Variants in LRP1B observed in about 807,000 individuals in gnomAD.
LRP1B encodes the protein LDL receptor related protein 1B.
A neutral mutation model predicts 556.6 loss-of-function variants in LRP1B; 217 were observed. That is an observed-to-expected ratio of 0.39 (90% CI 0.35 to 0.44). The LOEUF (loss-of-function observed/expected upper bound fraction) is 0.44, where lower values mean the gene tolerates loss of function less well. Ranked by LOEUF, LRP1B falls within the 20% of genes least tolerant of loss-of-function variation. The pLI is 1.00. For missense variants in LRP1B, 5,053 were observed against 5,620.8 expected (o/e 0.90, Z 3.23); for synonymous variants, 2,047 against 1,865.8 (o/e 1.10, Z -2.50).
intron 3 of LRP1B, among the ~76,000 whole-genome samples, chr2:141,295,169 A>G (rs1331117166): frequency 6.6e-6 from 1 of 152,092 alleles, no homozygotes; most frequent in Non-Finnish European, 1.5e-5. Flanking sequence ...AATGTTATTT[A>G]TATATTTCAA....
Position 140,875,827 on chromosome 2 carries a change from G to C in LRP1B, c.4170-7564C>G, listed in dbSNP as rs973129266. On this transcript the variant is annotated intron_variant, in intron 25 of 90. Transcript: ENST00000389484. Reference sequence around the variant, plus strand: ...TATTGGTATGTGTTCAAAAATTATGGGAAACTCCTATAATTCTAATATGAC... The same window carrying C: ...TATTGGTATGTGTTCAAAAATTATGCGAAACTCCTATAATTCTAATATGAC... Among the ~76,000 whole-genome samples, 65 of 151,980 alleles carry C rather than the reference G, an allele frequency of 4.3e-4. 1 individual carries two copies. The highest frequency in any genetic ancestry group is 4.3e-3 in the Admixed American group (65 of 15,240).
intron 7 of LRP1B, among the ~76,000 whole-genome samples, chr2:141,076,965 G>C (rs1435463191): frequency 6.6e-6 from 1 of 152,162 alleles, no homozygotes; most frequent in African/African-American, 2.4e-5. Context: ...TAGTAGGCTA[G>C]GCTGGGTGTG....
intron 35 of LRP1B, among the ~76,000 whole-genome samples, chr2:140,746,694 ACATG>A (rs1248617145): frequency 6.6e-6 from 1 of 152,086 alleles, no homozygotes; most frequent in Admixed American, 6.6e-5. Flanking sequence ...ATTTCTCACC[ACATG>A]CATATGAGGG....
intron 2 of LRP1B, among the ~76,000 whole-genome samples, chr2:141,702,969 T>C (rs895401083): frequency 2.0e-5 from 3 of 151,890 alleles, no homozygotes; most frequent in African/African-American, 7.2e-5. Context: ...AAGAAAGTCA[T>C]GCCTCACCAA....
At chr2:141,420,750 C>T (rs1413085842) in intron 3 of LRP1B, among the ~76,000 whole-genome samples, 1 of 152,170 alleles carries the variant, frequency 6.6e-6, no homozygotes, top group Non-Finnish European at 1.5e-5. Context: ...TTTTGCCCAG[C>T]CATGTTGGCC....
At chr2:141,095,621 A>G (rs1700278518) in intron 7 of LRP1B, among the ~76,000 whole-genome samples, 1 of 151,846 alleles carries the variant, frequency 6.6e-6, no homozygotes, top group Admixed American at 6.6e-5. Context: ...CTTAACCTAA[A>G]GTACATAGAG....
chr2:141,610,850 C>G, intron 2 of LRP1B, among the ~76,000 whole-genome samples: 1 of 152,180 alleles, frequency 6.6e-6, no homozygotes, highest in East Asian at 1.9e-4. Context: ...CTATTTAATT[C>G]ACCCTCAGAC....
At chr2:140,702,332 G>T (rs1348170963) in intron 38 of LRP1B, 40 bp from the exon 39 acceptor site, 7 of 1,607,132 alleles carry the variant, frequency 4.4e-6, no homozygotes, top group Non-Finnish European at 6.0e-6. Flanking sequence ...GACTATATTT[G>T]ATTGTTTTAT....
chr2:140,410,333 A>T (rs554949334), intron 66 of LRP1B, among the ~76,000 whole-genome samples: 62 of 152,128 alleles, frequency 4.1e-4, no homozygotes, highest in African/African-American at 1.4e-3. Flanking sequence ...TTGGCTGCAT[A>T]GTCAACAAAG....
intron 35 of LRP1B, among the ~76,000 whole-genome samples, chr2:140,739,387 G>A (rs992431646): frequency 2.0e-5 from 3 of 151,406 alleles, no homozygotes; most frequent in Non-Finnish European, 2.9e-5. Context: ...TGACAGAATA[G>A]GTACAATAAA....
chr2:141,729,233 G>A (rs1047541981), intron 2 of LRP1B, among the ~76,000 whole-genome samples: 2 of 152,048 alleles, frequency 1.3e-5, no homozygotes, highest in Non-Finnish European at 2.9e-5. Context: ...TTTACCACAG[G>A]ACTTCCTTGG....
intron 77 of LRP1B, among the ~76,000 whole-genome samples, chr2:140,347,770 A>T (rs562887405): frequency 6.6e-6 from 1 of 152,082 alleles, no homozygotes; most frequent in African/African-American, 2.4e-5. Context: ...GTAGAAATCA[A>T]TGTGCCATAA....
At chr2:140,989,720 A>G (rs1334330043) in intron 16 of LRP1B, 63 bp from the exon 17 acceptor site, 1 of 1,551,520 alleles carries the variant, frequency 6.4e-7, no homozygotes, top group Non-Finnish European at 8.9e-7. Flanking sequence ...AATATTTTGA[A>G]TGATAGTTAC....
At chr2:141,542,845 C>T (rs1288711125) in intron 2 of LRP1B, among the ~76,000 whole-genome samples, 1 of 151,932 alleles carries the variant, frequency 6.6e-6, no homozygotes, top group Non-Finnish European at 1.5e-5. Context: ...TCTTTTAGTG[C>T]CTATTTGCAG....
At chr2:141,523,131 A>G (rs1275730134) in intron 2 of LRP1B, among the ~76,000 whole-genome samples, 1 of 151,740 alleles carries the variant, frequency 6.6e-6, no homozygotes, top group Non-Finnish European at 1.5e-5. Context: ...TTAAAACATC[A>G]TGATGTAAGT....
intron 41 of LRP1B, among the ~76,000 whole-genome samples, chr2:140,666,118 C>T (rs542357858): frequency 1.3e-3 from 197 of 152,018 alleles, no homozygotes; most frequent in Admixed American, 4.9e-3. Flanking sequence ...CTCAGCCTCC[C>T]GAGTAGTTGG....
chr2:142,127,152 A>AT (rs1707684986), intron 1 of LRP1B, among the ~76,000 whole-genome samples: 1 of 151,784 alleles, frequency 6.6e-6, no homozygotes, highest in Non-Finnish European at 1.5e-5. Flanking sequence ...TTAATATTTA[A>AT]TTTTTCTGCA....
At chr2:140,844,868 A>G (rs1208540650) in intron 29 of LRP1B, among the ~76,000 whole-genome samples, 1 of 152,184 alleles carries the variant, frequency 6.6e-6, no homozygotes, top group African/African-American at 2.4e-5. Flanking sequence ...GGAAAACAAA[A>G]TGGGATTATA....
chr2:140,269,459 C>T, intron 86 of LRP1B: 1 of 447,842 alleles, frequency 2.2e-6, no homozygotes, highest in Non-Finnish European at 4.6e-6. Context: ...TCATTTCATA[C>T]AGAGATAGTA....
Sources: allele counts gnomAD v4.1 joint callset (sites outside exome capture counted in the v4.1 genomes callset), GRCh38; gene constraint gnomAD v4.1.1; transcripts MANE v1.5; gene names NCBI Gene and HGNC (gene_info 2026-07-23, HGNC 2026-07-21).